CFAP70: variants seen among roughly 807,000 people sequenced by gnomAD.
CFAP70 encodes the protein cilia and flagella associated protein 70, also known as cilia- and flagella-associated protein 70.
A neutral mutation model predicts 137.6 loss-of-function variants in CFAP70; 81 were observed. The ratio of observed to expected loss-of-function variants is 0.59; its 90% CI spans 0.49 to 0.71. The LOEUF is 0.71. Among genes scored for constraint, CFAP70 ranks in the 30% least tolerant of loss-of-function variants. CFAP70 has a pLI of 0.00. For missense variants in CFAP70, 976 were observed against 1,226.7 expected (o/e 0.80, Z 3.05); for synonymous variants, 382 against 423.6 (o/e 0.90, Z 1.20).
At chr10:73,291,582 A>G (rs200733868) in intron 18 of CFAP70, 58 bp downstream of exon 19, 55 of 1,539,088 alleles carry the variant, frequency 3.6e-5, no homozygotes, top group Non-Finnish European at 4.8e-5. Context: ...AGAGAAAGGA[A>G]AAAGGGAAAA....
At chr10:73,255,183 G>C (rs925868006) in intron 26 of CFAP70, among the ~76,000 whole-genome samples, 4 of 152,152 alleles carry the variant, frequency 2.6e-5, no homozygotes, top group Non-Finnish European at 5.9e-5. Flanking sequence ...GGGATCACAA[G>C]GTCAGGAGAT....
intron 25 of CFAP70, among the ~76,000 whole-genome samples, chr10:73,262,841 A>G (rs988695772): frequency 1.3e-5 from 2 of 152,104 alleles, no homozygotes; most frequent in African/African-American, 4.8e-5. Context: ...AATATGTAGA[A>G]AAGTTAAAGT....
intron 12 of CFAP70, among the ~76,000 whole-genome samples, chr10:73,303,504 C>T (rs1237822894): frequency 1.3e-5 from 2 of 152,112 alleles, no homozygotes; most frequent in African/African-American, 4.8e-5. Context: ...AGGTGTGAGC[C>T]ACCACACCCG....
At chr10:73,286,968 T>G (rs2047765608) in intron 19 of CFAP70, among the ~76,000 whole-genome samples, 1 of 152,238 alleles carries the variant, frequency 6.6e-6, no homozygotes, top group African/African-American at 2.4e-5. Context: ...TAAGAACGCC[T>G]TAAGCAGTTT....
chr10:73,278,095 G>T (rs533351827), intron 20 of CFAP70, 84 bp downstream of exon 21: 12 of 1,374,704 alleles, frequency 8.7e-6, no homozygotes, highest in Middle Eastern at 2.6e-4. Flanking sequence ...AACAAGTCAG[G>T]ATTGCCATTT....
At chr10:73,279,823 A>C (rs2047125232) in intron 19 of CFAP70, among the ~76,000 whole-genome samples, 3 of 151,624 alleles carry the variant, frequency 2.0e-5, no homozygotes, top group Admixed American at 2.0e-4. Flanking sequence ...TTGCCACTGC[A>C]CTCTGGCCTG....
chr10:73,257,118 G>C (rs1212847961), intron 25 of CFAP70, among the ~76,000 whole-genome samples: 3 of 151,974 alleles, frequency 2.0e-5, no homozygotes, highest in Non-Finnish European at 4.4e-5. Flanking sequence ...CTTTATTTAA[G>C]TTCATTCTTA....
At chr10:73,355,078 A>T (rs1159387906) in intron 1 of CFAP70, among the ~76,000 whole-genome samples, 1 of 152,232 alleles carries the variant, frequency 6.6e-6, no homozygotes, top group African/African-American at 2.4e-5. Context: ...ACAAAGTATC[A>T]CAAGACAAAG....
chr10:73,361,362 G>A (rs547250826), upstream of CFAP70, among the ~76,000 whole-genome samples: 7 of 144,936 alleles, frequency 4.8e-5, no homozygotes, highest in South Asian at 4.4e-4. Flanking sequence ...ATATGATCTC[G>A]GCTCACTGCA....
intron 2 of CFAP70, 58 bp from the exon 3 acceptor site, chr10:73,353,800 A>C: frequency 6.5e-7 from 1 of 1,537,878 alleles, no homozygotes; most frequent in Non-Finnish European, 8.9e-7. Context: ...TTTCCCACAC[A>C]TCTGGTAACC....
chr10:73,304,745 T>C (rs1211839117), intron 12 of CFAP70, among the ~76,000 whole-genome samples: 2 of 152,182 alleles, frequency 1.3e-5, no homozygotes, highest in East Asian at 3.9e-4. Context: ...TTTTCTTTCA[T>C]CTTTCTTTGA....
At chr10:73,351,071 GTATATATATATATATATATATATATATA>G (rs1158760266) in intron 3 of CFAP70, among the ~76,000 whole-genome samples, 1 of 31,382 alleles carries the variant, frequency 3.2e-5, no homozygotes, top group Admixed American at 5.2e-4. Context: ...GTGTGTGTGT[GTATATATATATATATATATATATATATA>G]TATATATATA....
intron 6 of CFAP70, among the ~76,000 whole-genome samples, chr10:73,340,823 C>G (rs1472289593): frequency 3.3e-5 from 5 of 152,240 alleles, no homozygotes; most frequent in African/African-American, 1.2e-4. Flanking sequence ...AGAGGCCAGG[C>G]AGCAGGAGCA....
chr10:73,292,007 A>G (rs765487703), exon 17 of CFAP70: 2 of 1,614,118 alleles, frequency 1.2e-6, no homozygotes, highest in South Asian at 2.2e-5. Flanking sequence ...GGGCTCACGG[A>G]CCAATCTCTA....
Position 73,291,327 on chromosome 10 carries a change from CCAGTG to C in CFAP70, c.2133_2137del (p.Ser711ArgfsTer6). On this transcript the variant is annotated frameshift_variant, in exon 19 of 27. Coordinates refer to ENST00000310715, the Ensembl canonical transcript of CFAP70. LOFTEE classifies it high-confidence loss of function. ...CCCTCTTTCCTCAGTGTCTTCTACA[CCAGTG>C]CTCTTTTGCTTTGTTACTTGTGCCT... is the stretch of plus-strand genomic sequence containing the variant. The C allele has an allele frequency of 6.2e-7, 1 of 1,614,212 alleles. No homozygotes were observed. The highest frequency in any genetic ancestry group is 1.1e-5 in the South Asian group (1 of 91,086).
At chr10:73,259,130 C>A (rs1047327038) in intron 25 of CFAP70, among the ~76,000 whole-genome samples, 6 of 152,050 alleles carry the variant, frequency 3.9e-5, no homozygotes, top group Non-Finnish European at 4.4e-5. Flanking sequence ...CATCACGGAA[C>A]CTGCCGATGT....
chr10:73,326,044 G>C (rs2051384316), intron 8 of CFAP70, among the ~76,000 whole-genome samples: 1 of 151,806 alleles, frequency 6.6e-6, no homozygotes, highest in Admixed American at 6.6e-5. Flanking sequence ...ATTTTTTTCA[G>C]CACCACACCA....
At chr10:73,261,423 G>A (rs7894119) in intron 25 of CFAP70, among the ~76,000 whole-genome samples, 15,603 of 152,112 alleles carry the variant, frequency 0.1, 1,139 homozygotes, top group East Asian at 0.29. Flanking sequence ...CAAGTGGCTC[G>A]CGAGGCCTCA....
chr10:73,306,636 G>A (rs1175235278), intron 12 of CFAP70, among the ~76,000 whole-genome samples: 2 of 152,196 alleles, frequency 1.3e-5, no homozygotes, highest in South Asian at 2.1e-4. Flanking sequence ...GGGAGGCTGA[G>A]GAGGGATGAC....
Sources: allele counts gnomAD v4.1 joint callset (sites outside exome capture counted in the v4.1 genomes callset), GRCh38; gene constraint gnomAD v4.1.1; transcripts MANE v1.5; gene names NCBI Gene and HGNC (gene_info 2026-07-23, HGNC 2026-07-21).